CARD19: variants seen among roughly 807,000 people sequenced by gnomAD.
CARD19 encodes caspase recruitment domain family member 19.
A neutral mutation model predicts 24.1 loss-of-function variants in CARD19; 25 were observed. That is an observed-to-expected ratio of 1.04 (90% confidence interval 0.76 to 1.45). The LOEUF (loss-of-function observed/expected upper bound fraction) is 1.45. Ranked by LOEUF, CARD19 falls within the 40% of genes most tolerant of loss-of-function variation. The pLI, the probability that CARD19 is intolerant of heterozygous loss-of-function variation, is 0.00. For synonymous variants in CARD19, 103 were observed against 104.9 expected, an observed-to-expected ratio of 0.98 and a Z score of 0.11; for missense variants, 241 against 247.4, an observed-to-expected ratio of 0.97 and a Z score of 0.17.
At chr9:93,112,453 A>T (rs879082082) in intron 5 of CARD19, among the ~76,000 whole-genome samples, 164 bp downstream of exon 5, 1 of 152,098 alleles carries the variant, frequency 6.6e-6, no homozygotes, top group South Asian at 2.1e-4. Flanking sequence ...GAGAAAGGGG[A>T]TGTGAGGAGG....
rs1386307444 is a variant in CARD19 at position 93,112,273 on chromosome 9, G to A, written c.420G>A (p.Leu140=). ...TTGCTGTGGGACTGGCCCTGCTCCT[G>A]TACTGCTATCCGCCAGGTGGGTGCA... The part of the protein sequence containing the change: ...LGLAVGLALL[L]YCYPPDPKGL... The change falls in exon 5 of 6, where the codon CTG becomes CTA. Residue 140 remains leucine (L), a synonymous_variant. Coordinates refer to ENST00000375464, the MANE Select transcript of CARD19 (RefSeq NM_032310.5). The A allele has an allele frequency of 6.5e-7, 1 of 1,544,560 alleles. No individual in the cohort carries two copies. Among genetic ancestry groups the A allele is most frequent in the Admixed American group, 2.0e-5 (1 of 51,020 alleles).
chr9:93,107,328 C>A (rs1247146840), intron 1 of CARD19, among the ~76,000 whole-genome samples: 1 of 152,234 alleles, frequency 6.6e-6, no homozygotes, highest in East Asian at 1.9e-4. Context: ...GCCACCTGTA[C>A]CTTCCCCAGA....
At chr9:93,106,573 A>C (rs1018024895) in intron 1 of CARD19, among the ~76,000 whole-genome samples, 30 of 136,950 alleles carry the variant, frequency 2.2e-4, no homozygotes, top group African/African-American at 1.3e-4. Context: ...ATCTCAAAAA[A>C]AAACAAAAAA....
rs1587628166 is a variant in CARD19, at chr9:93,096,254, C to T, written c.-92C>T. ...GCGAGCACGGCCCGCGGGCGGCGTT[C>T]GCTGGAGCTGGTGGACCGGGCGGCT... On this transcript the variant is annotated 5_prime_UTR_variant, in exon 1 of 6. Coordinates refer to ENST00000375464, the MANE Select transcript of CARD19 (RefSeq NM_032310.5). The surrounding 1 kb of genome is among the most constrained non-coding windows in gnomAD (Gnocchi z 5.4). 2.5e-6 allele frequency: 3 copies of T among 1,195,944 alleles called. No homozygotes were observed. Among genetic ancestry groups the T allele is most frequent in the East Asian group, 3.3e-5 (1 of 30,686 alleles). 74.1% of individuals were successfully genotyped at this position (1,195,944 alleles called of 1,614,324 possible).
At chr9:93,106,737 T>C (rs1827278413) in intron 1 of CARD19, among the ~76,000 whole-genome samples, 2 of 152,220 alleles carry the variant, frequency 1.3e-5, no homozygotes, top group South Asian at 4.1e-4. Flanking sequence ...TGTTGATATT[T>C]TATAGTAACA....
intron 1 of CARD19, among the ~76,000 whole-genome samples, chr9:93,106,593 AAGTTT>A (rs1827272330): frequency 6.7e-6 from 1 of 148,600 alleles, no homozygotes; most frequent in African/African-American, 2.6e-5. Context: ...AAAAAAAACA[AAGTTT>A]AACCTATTTG....
chr9:93,104,670 AG>A (rs1827191389), intron 1 of CARD19, among the ~76,000 whole-genome samples: 1 of 152,132 alleles, frequency 6.6e-6, no homozygotes, highest in Non-Finnish European at 1.5e-5. Flanking sequence ...ATTTCTTCAC[AG>A]TTCCGTTTTG....
At chr9:93,106,706 T>C in intron 1 of CARD19, among the ~76,000 whole-genome samples, 1 of 152,234 alleles carries the variant, frequency 6.6e-6, no homozygotes, top group Non-Finnish European at 1.5e-5. Flanking sequence ...ATTTATTCTA[T>C]TACTGCCTTC....
At chr9:93,097,311 G>C (rs1184713340) in intron 1 of CARD19, among the ~76,000 whole-genome samples, 1 of 152,042 alleles carries the variant, frequency 6.6e-6, no homozygotes, top group African/African-American at 2.4e-5. Context: ...GATCTCATGG[G>C]CTGGAAACTG....
intron 2 of CARD19, chr9:93,110,308 C>T (rs1216349933): frequency 7.8e-6 from 4 of 516,046 alleles, no homozygotes; most frequent in Non-Finnish European, 1.3e-5. Flanking sequence ...CCCATGCTTT[C>T]TTTGTGACCA....
intron 3 of CARD19, chr9:93,111,202 A>G: frequency 8.5e-7 from 1 of 1,182,080 alleles, no homozygotes; most frequent in Middle Eastern, 3.3e-4. Context: ...TCAGGCACGG[A>G]TGGCTGGTCC....
chr9:93,105,814 G>A lies in CARD19; in HGVS notation c.8-1860G>A, dbSNP rs143002339. Among the ~76,000 whole-genome samples, 100 of 152,242 alleles carry A rather than the reference G, an allele frequency of 6.6e-4. 1 individual carries two copies. Among genetic ancestry groups the A allele is most frequent in the African/African-American group, 2.3e-3 (97 of 41,558 alleles). ...TTGTGGTATGGAGTGTTCTGTGTAT[G>A]TCTGCCAGGTATAATTGGCTTACGG... On this transcript the variant is annotated intron_variant, in intron 1 of 5. Transcript: ENST00000375464.
At chr9:93,110,971 A>G in intron 3 of CARD19, 2 of 1,514,178 alleles carry the variant, frequency 1.3e-6, no homozygotes, top group Non-Finnish European at 1.8e-6. Flanking sequence ...TCTCTCTCTC[A>G]TGGCAGTTTT....
chr9:93,110,301 A>G (rs761037163), intron 2 of CARD19: 6 of 486,768 alleles, frequency 1.2e-5, no homozygotes, highest in African/African-American at 7.7e-5. Flanking sequence ...TGCCAGCCCC[A>G]TGCTTTCTTT....
intron 1 of CARD19, among the ~76,000 whole-genome samples, chr9:93,106,161 GT>G (rs983853787): frequency 1.3e-5 from 2 of 151,460 alleles, no homozygotes. Context: ...ATTTGTATGG[GT>G]TTTTTTTACA....
In CARD19 at chr9:93,110,555, C is replaced by T; in HGVS notation, c.151-13C>T. 1 of 1,585,630 alleles carries T rather than the reference C, an allele frequency of 6.3e-7. No homozygotes were observed. Among genetic ancestry groups the T allele is most frequent in the Non-Finnish European group, 8.6e-7 (1 of 1,163,036 alleles). ...CTGGCCTGATCTTCCCTGGCACCCC[C>T]TTGTACCCTCAGTTCCGGAACCCCA... On this transcript the variant is annotated splice_polypyrimidine_tract_variant and intron_variant, in intron 2 of 5. Transcript: ENST00000375464.
Position 93,096,264 on chromosome 9 carries a change from G to C in CARD19, c.-82G>C, listed in dbSNP as rs1188351338. On this transcript the variant is annotated 5_prime_UTR_variant, in exon 1 of 6. Coordinates refer to ENST00000375464, the MANE Select transcript of CARD19 (RefSeq NM_032310.5). This position sits in a 1 kb window ranked among gnomAD's most constrained non-coding sequence, Gnocchi z 5.4. The stretch of plus-strand genomic sequence containing the variant: ...CCCGCGGGCGGCGTTCGCTGGAGCT[G>C]GTGGACCGGGCGGCTGACCGAGGGG... The C allele has an allele frequency of 2.5e-6, 3 of 1,211,750 alleles. No homozygotes were observed. The South Asian group carries it at 1.2e-4, about 50-fold the overall frequency. 75.1% of individuals were successfully genotyped at this position (1,211,750 alleles called of 1,614,324 possible). A position where few individuals can be genotyped will look rare whatever the true frequency, so the allele number is the denominator to read the frequency against.
In CARD19 at chr9:93,096,829, A is replaced by G. The variant is rs954565483; in HGVS notation, c.7+477A>G. Among the ~76,000 whole-genome samples, 3 of 152,210 alleles carry G rather than the reference A, an allele frequency of 2.0e-5. No homozygotes were observed. The highest frequency in any genetic ancestry group is 7.2e-5 in the African/African-American group (3 of 41,450). On this transcript the variant is annotated intron_variant, in intron 1 of 5. Transcript: ENST00000375464. This position sits in a 1 kb window ranked among gnomAD's most constrained non-coding sequence, Gnocchi z 5.4. ...ACAACCACCCCAGCGAGGTCGCGGGACAGGCGATGCGTTCCTCGGCGGCAT... is the reference window on the plus strand; with the variant it reads ...ACAACCACCCCAGCGAGGTCGCGGGGCAGGCGATGCGTTCCTCGGCGGCAT...
intron 1 of CARD19, among the ~76,000 whole-genome samples, chr9:93,102,654 T>TG (rs1210459031): frequency 3.3e-4 from 5 of 15,180 alleles, no homozygotes; most frequent in South Asian, 1.5e-3. Flanking sequence ...CTGTTGTTGT[T>TG]TTTTTTTTTT....
Sources: allele counts gnomAD v4.1 joint callset (sites outside exome capture counted in the v4.1 genomes callset), GRCh38; gene constraint gnomAD v4.1.1; non-coding constraint Gnocchi (gnomAD v3.1); transcripts MANE v1.5; gene names NCBI Gene and HGNC (gene_info 2026-07-23, HGNC 2026-07-21).